The following ADRA1D variants were observed in gnomAD, a reference collection of about 807,000 sequenced individuals.
ADRA1D encodes the protein adrenoceptor alpha 1D.
A neutral mutation model predicts 18.6 loss-of-function variants in ADRA1D; 22 were observed. That is an observed-to-expected ratio of 1.19 (90% CI 0.85 to 1.69). ADRA1D has a LOEUF of 1.69. Ranked by LOEUF, ADRA1D falls within the 40% of genes most tolerant of loss-of-function variation. The pLI, the probability that ADRA1D is intolerant of heterozygous loss-of-function variation, is 0.00. For missense variants in ADRA1D, 840 were observed against 840.7 expected (o/e 1.00, Z 0.01); for synonymous variants, 376 against 388.2 (o/e 0.97, Z 0.37).
At chr20:4,231,937 G>C (rs922534853) in intron 1 of ADRA1D, among the ~76,000 whole-genome samples, 2 of 152,040 alleles carry the variant, frequency 1.3e-5, no homozygotes, top group Admixed American at 6.5e-5. Flanking sequence ...TTTTGAGACA[G>C]AGTATCGCTC....
chr20:4,247,390 G>A (rs1420474226), intron 1 of ADRA1D, among the ~76,000 whole-genome samples: 1 of 152,152 alleles, frequency 6.6e-6, no homozygotes, highest in East Asian at 1.9e-4. Context: ...GGGGAAAAGC[G>A]GGTGGCTTCT....
At chr20:4,246,553 G>T (rs544647165) in intron 1 of ADRA1D, among the ~76,000 whole-genome samples, 1 of 152,064 alleles carries the variant, frequency 6.6e-6, no homozygotes, top group South Asian at 2.1e-4. Context: ...CGGCAAGACC[G>T]TGACGGCAGA....
intron 1 of ADRA1D, among the ~76,000 whole-genome samples, chr20:4,234,563 C>T (rs1240991646): frequency 6.6e-6 from 1 of 152,212 alleles, no homozygotes; most frequent in Non-Finnish European, 1.5e-5. Flanking sequence ...TCTCCTCCCA[C>T]CCTGCCAGCA....
intron 1 of ADRA1D, among the ~76,000 whole-genome samples, chr20:4,244,558 A>G (rs1463699587): frequency 2.6e-5 from 4 of 151,958 alleles, no homozygotes; most frequent in Non-Finnish European, 5.9e-5. Flanking sequence ...ATCCCCTACC[A>G]CACACCTGGT....
At chr20:4,235,951 T>C (rs990987541) in intron 1 of ADRA1D, among the ~76,000 whole-genome samples, 5 of 152,104 alleles carry the variant, frequency 3.3e-5, no homozygotes, top group African/African-American at 1.2e-4. Flanking sequence ...GATCAAGCCA[T>C]GCAGGAAGGG....
intron 1 of ADRA1D, among the ~76,000 whole-genome samples, chr20:4,232,110 C>T (rs866388158): frequency 3.3e-5 from 5 of 152,178 alleles, no homozygotes; most frequent in East Asian, 1.9e-4. Flanking sequence ...GACGGGGCTT[C>T]GCCATGTTGG....
chr20:4,248,630 C>A lies in ADRA1D; in HGVS notation c.328G>T (p.Ala110Ser), dbSNP rs1256148448. The A allele has an allele frequency of 6.2e-7, 1 of 1,612,820 alleles. No individual in the cohort carries two copies. Among genetic ancestry groups the A allele is most frequent in the Non-Finnish European group, 8.5e-7 (1 of 1,179,774 alleles). Residue 110 changes from alanine (A) to serine (S), a missense_variant, in exon 1 of 2, where the codon GCC becomes TCC. By Grantham distance (99) the Ala-to-Ser change is moderately conservative (BLOSUM62 1). Transcript: ENST00000379453. ...GVFLAAFILM[A>S]VAGNLLVILS... ...ATGACAAGCAGGTTACCTGCCACGG[C>A]CATAAGGATGAAGGCTGCCAGGAAG...
intron 1 of ADRA1D, among the ~76,000 whole-genome samples, chr20:4,242,818 G>A (rs1981246485): frequency 6.6e-6 from 1 of 152,146 alleles, no homozygotes; most frequent in South Asian, 2.1e-4. Context: ...GAAAGCCTGG[G>A]AGCTGTGAGT....
chr20:4,238,822 A>G (rs1981153442), intron 1 of ADRA1D, among the ~76,000 whole-genome samples: 1 of 152,168 alleles, frequency 6.6e-6, no homozygotes. Context: ...GGTCTAATTC[A>G]GGATCTGGGG....
intron 1 of ADRA1D, among the ~76,000 whole-genome samples, chr20:4,235,906 CA>C (rs1981078609): frequency 1.3e-5 from 2 of 152,214 alleles, no homozygotes; most frequent in South Asian, 4.1e-4. Flanking sequence ...GAGACTTCCT[CA>C]GGGACTCTGG....
rs140356514 is a variant in ADRA1D at position 4,227,527 on chromosome 20, G to A, written c.1112-5397C>T. On this transcript the variant is annotated intron_variant, in intron 1 of 1. Coordinates refer to ENST00000379453, the MANE Select transcript of ADRA1D (RefSeq NM_000678.4). ...ATTCTTGGACTCTTTTCTGTGTATCGCACCTTGCAGCTCATCCATCACCAA... is the reference window on the plus strand; with the variant it reads ...ATTCTTGGACTCTTTTCTGTGTATCACACCTTGCAGCTCATCCATCACCAA... Among the ~76,000 whole-genome samples, 10 of 151,772 alleles carry A rather than the reference G, an allele frequency of 6.6e-5. No homozygotes were observed. In the East Asian group the frequency reaches 1.6e-3, roughly 24 times the overall value.
chr20:4,244,747 C>T (rs3787442), intron 1 of ADRA1D, among the ~76,000 whole-genome samples: 72,675 of 152,150 alleles, frequency 0.48, 17,528 homozygotes, highest in South Asian at 0.69. Flanking sequence ...CCCTCCTGCT[C>T]CAAATGGGCT....
intron 1 of ADRA1D, among the ~76,000 whole-genome samples, chr20:4,231,041 T>TTCTTTCTTTCTTTCTTC (rs1568764577): frequency 5.1e-5 from 2 of 38,920 alleles, no homozygotes; most frequent in African/African-American, 5.0e-4. Context: ...TCTTTCTTTT[T>TTCTTTCTTTCTTTCTTC]CTTTCTTTCT....
At position 4,248,964 on chromosome 20, in the gene ADRA1D, G is replaced by A. The variant is rs969929834; in HGVS notation, c.-7C>T. 1.5e-6 allele frequency: 2 copies of A among 1,350,634 alleles called. No individual in the cohort carries two copies. Among genetic ancestry groups the A allele is most frequent in the Admixed American group, 5.4e-5 (2 of 36,968 alleles). 83.7% of individuals were successfully genotyped at this position (1,350,634 alleles called of 1,614,324 possible). The stretch of plus-strand genomic sequence containing the variant: ...GGAGATCGCGGAAAGTCATCTCAAC[G>A]CGCGGCCGTCGGTGGCCGGGCCGGG... On this transcript the variant is annotated 5_prime_UTR_variant, in exon 1 of 2. Transcript: ENST00000379453.
intron 1 of ADRA1D, among the ~76,000 whole-genome samples, chr20:4,237,459 G>A (rs1364079148): frequency 7.3e-5 from 10 of 136,744 alleles, no homozygotes; most frequent in Non-Finnish European, 1.1e-4. Context: ...TCCATCTCTT[G>A]AAAAAAAAAA....
At chr20:4,243,959 G>A (rs772914796) in intron 1 of ADRA1D, among the ~76,000 whole-genome samples, 8 of 152,174 alleles carry the variant, frequency 5.3e-5, no homozygotes, top group Non-Finnish European at 5.9e-5. Flanking sequence ...CCACATCTGT[G>A]TCCCAGTGTC....
In ADRA1D at chr20:4,248,586, G is replaced by A. The variant is rs1981411750; in HGVS notation, c.372C>T (p.Asn124=). 1.2e-6 allele frequency: 2 copies of A among 1,613,560 alleles called. No homozygotes were observed. The highest frequency in any genetic ancestry group is 2.7e-5 in the African/African-American group (2 of 74,928). The change falls in exon 1 of 2, where the codon AAC becomes AAT. Residue 124 remains asparagine (N), a synonymous_variant. Coordinates refer to ENST00000379453, the MANE Select transcript of ADRA1D (RefSeq NM_000678.4). ...NLLVILSVAC[N]RHLQTVTNYF... ...AGTTGGTGACGGTCTGCAGGTGGCGGTTGCAGGCCACTGAGAGGATGACAA... is the reference window on the plus strand; with the variant it reads ...AGTTGGTGACGGTCTGCAGGTGGCGATTGCAGGCCACTGAGAGGATGACAA...
chr20:4,225,155 C>G (rs1379966262), intron 1 of ADRA1D, among the ~76,000 whole-genome samples: 1 of 151,548 alleles, frequency 6.6e-6, no homozygotes, highest in East Asian at 1.9e-4. Context: ...GCACGCACCA[C>G]CATGCCCAGC....
At chr20:4,236,059 G>A (rs1981082618) in intron 1 of ADRA1D, among the ~76,000 whole-genome samples, 1 of 152,186 alleles carries the variant, frequency 6.6e-6, no homozygotes, top group African/African-American at 2.4e-5. Context: ...GGGCTTCGGT[G>A]GGATGGAAAG....
Sources: gnomAD v4.1 joint callset for allele counts (sites outside exome capture counted in the v4.1 genomes callset) on GRCh38, gnomAD v4.1.1 for gene constraint, MANE v1.5 for transcripts, NCBI Gene and HGNC (gene_info 2026-07-23, HGNC 2026-07-21) for gene names.